The following CENPP variants were observed in gnomAD, a reference collection of about 807,000 sequenced individuals.
CENPP encodes centromere protein P.
A neutral mutation model predicts 35.6 loss-of-function variants in CENPP; 24 were observed. The observed-to-expected ratio is 0.67, with a 90% CI of 0.49 to 0.95. The LOEUF is 0.95. Ranked by LOEUF, CENPP falls within the 40% of genes least tolerant of loss-of-function variation. The pLI, the probability that CENPP is intolerant of heterozygous loss-of-function variation, is 0.00. For missense variants in CENPP, 332 were observed against 345.3 expected (o/e 0.96, Z 0.31); for synonymous variants, 120 against 125.5 (o/e 0.96, Z 0.29).
At chr9:92,457,461 T>C (rs775487189) in intron 5 of CENPP, 2 of 1,611,380 alleles carry the variant, frequency 1.2e-6, no homozygotes, top group East Asian at 2.2e-5. Context: ...ACTCTTGCAA[T>C]TGAATTAGAA....
At chr9:92,590,644 ATCTC>A (rs1208332505) in intron 5 of CENPP, among the ~76,000 whole-genome samples, 1 of 152,120 alleles carries the variant, frequency 6.6e-6, no homozygotes, top group African/African-American at 2.4e-5. Context: ...TAAACACAAC[ATCTC>A]TCTGTTTCCA....
intron 5 of CENPP, among the ~76,000 whole-genome samples, chr9:92,449,528 G>T (rs1001683770): frequency 7.0e-5 from 10 of 143,424 alleles, no homozygotes; most frequent in African/African-American, 2.5e-4. Flanking sequence ...AGGATTAAAA[G>T]TAAGGCATTT....
At chr9:92,417,559 CTT>C in intron 5 of CENPP, 1 of 1,544,156 alleles carries the variant, frequency 6.5e-7, no homozygotes, top group Middle Eastern at 1.7e-4. Context: ...AAAAACCCAT[CTT>C]CTTTTTTTTT....
At chr9:92,364,503 T>C (rs747203516) in intron 4 of CENPP, among the ~76,000 whole-genome samples, 2 of 152,202 alleles carry the variant, frequency 1.3e-5, no homozygotes, top group African/African-American at 2.4e-5. Context: ...TTGTCTGTTG[T>C]CTTATGGCTT....
chr9:92,470,538 G>T, intron 5 of CENPP: 1 of 517,726 alleles, frequency 1.9e-6, no homozygotes, highest in South Asian at 3.3e-5. Flanking sequence ...GAACGCTGTT[G>T]AATGCAGGGA....
chr9:92,421,945 G>A (rs1366709057), intron 5 of CENPP, among the ~76,000 whole-genome samples: 1 of 152,064 alleles, frequency 6.6e-6, no homozygotes, highest in Non-Finnish European at 1.5e-5. Flanking sequence ...GACTTTGGGA[G>A]ATTAATAGGA....
chr9:92,603,962 G>C (rs542287338), intron 5 of CENPP, among the ~76,000 whole-genome samples: 6 of 152,280 alleles, frequency 3.9e-5, no homozygotes, highest in African/African-American at 1.4e-4. Flanking sequence ...GTGGTAATGG[G>C]GCTGATGTGC....
At chr9:92,582,675 C>T (rs921535331) in intron 5 of CENPP, among the ~76,000 whole-genome samples, 1 of 150,704 alleles carries the variant, frequency 6.6e-6, no homozygotes, top group Non-Finnish European at 1.5e-5. Context: ...CTCATTGTCA[C>T]TATGTAATGG....
chr9:92,500,968 G>A (rs1251390470), intron 5 of CENPP: 1 of 1,614,174 alleles, frequency 6.2e-7, no homozygotes, highest in Admixed American at 1.7e-5. Context: ...TGGTTCCCAA[G>A]GAGTACTAGG....
intron 5 of CENPP, chr9:92,502,798 A>G: frequency 1.6e-6 from 1 of 606,954 alleles, no homozygotes. Flanking sequence ...CATATTTTTA[A>G]GTTGTCTTTT....
intron 4 of CENPP, among the ~76,000 whole-genome samples, chr9:92,371,754 ATAT>A (rs1842008760): frequency 6.6e-6 from 1 of 151,318 alleles, no homozygotes; most frequent in East Asian, 1.9e-4. Flanking sequence ...ATATTTGGTA[ATAT>A]TTGCTTTATG....
At chr9:92,425,146 A>G (rs1843930173) in intron 5 of CENPP, among the ~76,000 whole-genome samples, 1 of 152,224 alleles carries the variant, frequency 6.6e-6, no homozygotes, top group Admixed American at 6.5e-5. Flanking sequence ...CGACTTTTCT[A>G]TACAAAGGCT....
In CENPP at chr9:92,618,262, G is replaced by C. The variant is rs1442429328; in HGVS notation, c.*5113G>C. Reference sequence around the variant, plus strand: ...GTTCCAGTGCCTACACCCTAGGTCTGAGAAGCCACATGGCTCAGTGCCTTC... The same window carrying C: ...GTTCCAGTGCCTACACCCTAGGTCTCAGAAGCCACATGGCTCAGTGCCTTC... On this transcript the variant is annotated 3_prime_UTR_variant, in exon 8 of 8. Coordinates refer to ENST00000375587, the MANE Select transcript of CENPP (RefSeq NM_001012267.3). 1 of 456,660 alleles carries C rather than the reference G, an allele frequency of 2.2e-6. No individual in the cohort carries two copies. Among genetic ancestry groups the C allele is most frequent in the Admixed American group, 2.3e-5 (1 of 42,576 alleles). The allele number at this position is 456,660 out of a possible 1,614,324, so 28.3% of individuals were successfully genotyped here.
At chr9:92,416,585 TTCTC>T (rs773298183) in intron 5 of CENPP, 5 of 1,277,770 alleles carry the variant, frequency 3.9e-6, no homozygotes, top group Admixed American at 4.8e-5. Flanking sequence ...ATTCCATTCT[TTCTC>T]TCTTCAAAAC....
rs868256119 is a variant in CENPP, at chr9:92,504,921, G to A, written c.565-106393G>A. Among the ~76,000 whole-genome samples, 3 of 152,318 alleles carry A rather than the reference G, an allele frequency of 2.0e-5. 1 individual carries two copies. In the South Asian group the frequency reaches 6.2e-4, roughly 32 times the overall value. ...CCAGGAGCACATCCTGCAGCAAGGA[G>A]ACCACACATCTGGGGACCTGTGGGG... On this transcript the variant is annotated intron_variant, in intron 5 of 7. Coordinates refer to ENST00000375587, the MANE Select transcript of CENPP (RefSeq NM_001012267.3).
At chr9:92,428,810 A>G (rs1564315661) in intron 5 of CENPP, among the ~76,000 whole-genome samples, 1 of 152,110 alleles carries the variant, frequency 6.6e-6, no homozygotes, top group Non-Finnish European at 1.5e-5. Context: ...ACCTTGGCCT[A>G]CTACTTGCCC....
intron 5 of CENPP, among the ~76,000 whole-genome samples, chr9:92,567,375 T>TATATAGATATATATATATATAGATATAG (rs60545319): frequency 2.1e-4 from 17 of 81,884 alleles, no homozygotes; most frequent in African/African-American, 1.0e-3. Context: ...ATAAGATAGA[T>TATATAGATATATATATATATAGATATAG]ATATATATAT....
At position 92,575,894 on chromosome 9, in the gene CENPP, C is replaced by T. The variant is rs74373196; in HGVS notation, c.565-35420C>T. On this transcript the variant is annotated intron_variant, in intron 5 of 7. Coordinates refer to ENST00000375587, the MANE Select transcript of CENPP (RefSeq NM_001012267.3). ...AAGTAGAAAAATTAGAACCGTTGCG[C>T]GCTGTTATAGTAGGGATATAAAATG... is the stretch of plus-strand genomic sequence containing the variant. Among the ~76,000 whole-genome samples the T allele has an allele frequency of 1.9e-3, 282 of 152,078 alleles. 1 individual carries two copies. The highest frequency in any genetic ancestry group is 8.5e-3 in the East Asian group (44 of 5,184).
intron 5 of CENPP, chr9:92,393,253 G>T: frequency 6.5e-7 from 1 of 1,546,002 alleles, no homozygotes; most frequent in South Asian, 1.3e-5. Flanking sequence ...TTCTAAATTG[G>T]GAATAAAATC....
Sources: gnomAD v4.1 joint callset for allele counts (sites outside exome capture counted in the v4.1 genomes callset) on GRCh38, gnomAD v4.1.1 for gene constraint, MANE v1.5 for transcripts, NCBI Gene and HGNC (gene_info 2026-07-23, HGNC 2026-07-21) for gene names.